The following GOLGA8J variants were observed in gnomAD, a reference collection of about 807,000 sequenced individuals.
The protein encoded by GOLGA8J is golgin subfamily A member 8J.
In GOLGA8J, 19 loss-of-function variants were observed where a neutral mutation model predicts 67.7. That is an observed-to-expected ratio of 0.28 (90% CI 0.20 to 0.41). GOLGA8J has a LOEUF of 0.41. Ranked by LOEUF, GOLGA8J falls within the 10% of genes least tolerant of loss-of-function variation. The pLI is 1.00. For missense variants in GOLGA8J, 205 were observed against 584.3 expected, an observed-to-expected ratio of 0.35 and a Z score of 6.69; for synonymous variants, 69 against 215.9, an observed-to-expected ratio of 0.32 and a Z score of 5.97.
chr15:30,092,505 C>G, intron 15 of GOLGA8J: 1 of 974,128 alleles, frequency 1.0e-6, no homozygotes, highest in Non-Finnish European at 1.2e-6. Context: ...TGGCCTCGGC[C>G]CAGAAGGAGC....
rs1293015879 is a variant in GOLGA8J, at chr15:30,094,527, G to A, written c.*1028G>A. The stretch of plus-strand genomic sequence containing the variant: ...GTGAAGATCATAAGAAATCCTTTAT[G>A]AGTTCAAACGTTCCTGGAACAGGCA... On this transcript the variant is annotated 3_prime_UTR_variant, in exon 19 of 19. Coordinates refer to ENST00000567927, the MANE Select transcript of GOLGA8J (RefSeq NM_001282472.2). Among the ~76,000 whole-genome samples, 2 of 126,958 alleles carry A rather than the reference G, an allele frequency of 1.6e-5. 1 individual carries two copies. Among genetic ancestry groups the A allele is most frequent in the African/African-American group, 9.6e-5 (2 of 20,914 alleles). The allele number at this position is 126,958 out of a possible 152,430, so 83.3% of individuals were successfully genotyped here.
At position 30,091,960 on chromosome 15, in the gene GOLGA8J, A is replaced by C. The variant is rs2057409329; in HGVS notation, c.1277-82A>C. On this transcript the variant is annotated intron_variant, in intron 14 of 18. Coordinates refer to ENST00000567927, the MANE Select transcript of GOLGA8J (RefSeq NM_001282472.2). ...TGGGGAGGGGCAGGCTCAGGGTTAC[A>C]CAGTGAGGGTGGAGGTAGAGGTGGG... The C allele has an allele frequency of 2.7e-6, 4 of 1,456,366 alleles. No individual in the cohort carries two copies. The African/African-American group carries it at 5.6e-5, about 20-fold the overall frequency. 90.2% of individuals were successfully genotyped at this position (1,456,366 alleles called of 1,614,324 possible).
chr15:30,088,461 C>A (rs1288507701), intron 8 of GOLGA8J: 1 of 545,550 alleles, frequency 1.8e-6, no homozygotes, highest in African/African-American at 2.1e-5. Context: ...CCTGGTGAAG[C>A]ATTCCACAAA....
In GOLGA8J at chr15:30,092,070, G is replaced by C. The variant is rs560259389; in HGVS notation, c.1305G>C (p.Glu435Asp). 3,670 of 1,595,436 alleles carry C rather than the reference G, an allele frequency of 2.3e-3. 80 individuals are homozygous for C. Among genetic ancestry groups the C allele is most frequent in the Non-Finnish European group, 2.7e-3 (3,139 of 1,173,286 alleles). ...EGHGGEHLDS[E>D]GEEAPRPMPS... ...ACGGAGGAGAACATCTGGACAGTGAGGGGGAGGAGGCACCTCGGCCCATGC... is the reference window on the plus strand; with the variant it reads ...ACGGAGGAGAACATCTGGACAGTGACGGGGAGGAGGCACCTCGGCCCATGC... Residue 435 changes from glutamate (E) to aspartate (D), a missense_variant, in exon 15 of 19, where the codon GAG becomes GAC. Transcript: ENST00000567927.
intron 12 of GOLGA8J, 74 bp downstream of exon 12, chr15:30,090,030 G>C: frequency 7.1e-7 from 1 of 1,414,660 alleles, no homozygotes; most frequent in Non-Finnish European, 9.3e-7. Context: ...CTCTAAAATG[G>C]GGCAGTGTAG....
rs1303844742 is a variant in GOLGA8J at position 30,089,921 on chromosome 15, C to T, written c.1096C>T (p.Gln366Ter). 1.3e-6 allele frequency: 2 copies of T among 1,510,168 alleles called. No individual in the cohort carries two copies. The highest frequency in any genetic ancestry group is 1.6e-5 in the African/African-American group (1 of 61,906). 93.5% of individuals were successfully genotyped at this position (1,510,168 alleles called of 1,614,324 possible). A position where few individuals can be genotyped will look rare whatever the true frequency, so the allele number is the denominator to read the frequency against. ...RIQEQHKSLQ[Q>*]LAKPQSVFKE... Reference sequence around the variant, plus strand: ...TCAGGAGCAGCACAAGAGCCTTCAGCAGCTGGCCAAGCCACAGAGCGTCTT... The same window carrying T: ...TCAGGAGCAGCACAAGAGCCTTCAGTAGCTGGCCAAGCCACAGAGCGTCTT... The change falls in exon 12 of 19, where the codon CAG becomes TAG. Residue 366 changes from glutamine to a stop codon, truncating the protein, a stop_gained. Coordinates refer to ENST00000567927, the MANE Select transcript of GOLGA8J (RefSeq NM_001282472.2). LOFTEE classifies it high-confidence loss of function.
chr15:30,085,386 T>C (rs1457211200), intron 2 of GOLGA8J, among the ~76,000 whole-genome samples: 1 of 60,070 alleles, frequency 1.7e-5, no homozygotes, highest in East Asian at 3.7e-4. Flanking sequence ...GCCTCTCTTT[T>C]CACATCTGTA....
intron 11 of GOLGA8J, 54 bp from the exon 12 acceptor site, chr15:30,089,646 G>A: frequency 7.5e-7 from 1 of 1,332,742 alleles, no homozygotes; most frequent in Admixed American, 1.8e-5. Context: ...GCCAAGAGGA[G>A]GGTTTTTCTT....
At position 30,095,084 on chromosome 15, in the gene GOLGA8J, T is replaced by C. The variant is rs1384289833; in HGVS notation, c.*1585T>C. 6.8e-6 allele frequency among the ~76,000 whole-genome samples: 1 copy of C among 147,682 alleles called. No individual in the cohort carries two copies. Among genetic ancestry groups the C allele is most frequent in the African/African-American group, 2.6e-5 (1 of 38,328 alleles). On this transcript the variant is annotated 3_prime_UTR_variant, in exon 19 of 19. Coordinates refer to ENST00000567927, the MANE Select transcript of GOLGA8J (RefSeq NM_001282472.2). ...ATGATGAATGAATACATTTCAGTTA[T>C]ATATTGCCTAAATCATAACTTGATG...
rs558755089 is a variant in GOLGA8J at position 30,095,085 on chromosome 15, A to G, written c.*1586A>G. Among the ~76,000 whole-genome samples the G allele has an allele frequency of 1.4e-5, 2 of 147,580 alleles. No individual in the cohort carries two copies. The highest frequency in any genetic ancestry group is 3.0e-5 in the Non-Finnish European group (2 of 67,684). Reference sequence around the variant, plus strand: ...TGATGAATGAATACATTTCAGTTATATATTGCCTAAATCATAACTTGATGA... The same window carrying G: ...TGATGAATGAATACATTTCAGTTATGTATTGCCTAAATCATAACTTGATGA... On this transcript the variant is annotated 3_prime_UTR_variant, in exon 19 of 19. Transcript: ENST00000567927.
rs199855774 is a variant in GOLGA8J at position 30,094,046 on chromosome 15, A to C, written c.*547A>C. Among the ~76,000 whole-genome samples the C allele has an allele frequency of 0.073, 10,725 of 146,388 alleles. 1,014 individuals are homozygous for C. The highest frequency in any genetic ancestry group is 0.15 in the South Asian group (686 of 4,642). On this transcript the variant is annotated 3_prime_UTR_variant, in exon 19 of 19. Coordinates refer to ENST00000567927, the MANE Select transcript of GOLGA8J (RefSeq NM_001282472.2). ...AGTACTGACATTTAGAGTTGTTTAAAGGCCAAGAACTGGAAACAGCCTTTC... is the reference window on the plus strand; with the variant it reads ...AGTACTGACATTTAGAGTTGTTTAACGGCCAAGAACTGGAAACAGCCTTTC...
rs775607447 is a variant in GOLGA8J, at chr15:30,092,066, G to A, written c.1301G>A (p.Ser434Asn). The A allele has an allele frequency of 1.9e-5, 30 of 1,597,964 alleles. 1 individual carries two copies. In the South Asian group the frequency reaches 3.1e-4, roughly 17 times the overall value. ...GEGHGGEHLD[S>N]EGEEAPRPMP... ...GGACACGGAGGAGAACATCTGGACA[G>A]TGAGGGGGAGGAGGCACCTCGGCCC... Residue 434 changes from serine to asparagine, a missense_variant, in exon 15 of 19, where the codon AGT becomes AAT. Coordinates refer to ENST00000567927, the MANE Select transcript of GOLGA8J (RefSeq NM_001282472.2).
At chr15:30,088,625 C>T (rs74342032) in intron 8 of GOLGA8J, 115 bp from the exon 9 acceptor site, 51,974 of 872,392 alleles carry the variant, frequency 0.06, 3,365 homozygotes, top group African/African-American at 0.25. Flanking sequence ...CTTGGAAATG[C>T]CTTGATCTTT....
chr15:30,089,813 C>T lies in GOLGA8J; in HGVS notation c.988C>T (p.Gln330Ter). Residue 330 changes from glutamine (Q) to a stop codon, truncating the protein, a stop_gained, in exon 12 of 19, where the codon CAG becomes TAG. Transcript: ENST00000567927. LOFTEE classifies it high-confidence loss of function. ...GELQAQVKNN[Q>*]RISLLNQRQE... is the part of the protein sequence containing the mutation. ...GCTCCAGGCCCAGGTCAAAAACAATCAGCGCATAAGTCTCCTGAACCAGCG... is the reference window on the plus strand; with the variant it reads ...GCTCCAGGCCCAGGTCAAAAACAATTAGCGCATAAGTCTCCTGAACCAGCG... 2 of 1,559,830 alleles carry T rather than the reference C, an allele frequency of 1.3e-6. No homozygotes were observed. Among genetic ancestry groups the T allele is most frequent in the Non-Finnish European group, 1.7e-6 (2 of 1,161,578 alleles).
chr15:30,094,344 C>G lies in GOLGA8J; in HGVS notation c.*845C>G, dbSNP rs2057447415. ...CTTATTTCTGAGGAATGAAAGGTTCCCATCATTGACTGTGGATGTGGGAAA... is the reference window on the plus strand; with the variant it reads ...CTTATTTCTGAGGAATGAAAGGTTCGCATCATTGACTGTGGATGTGGGAAA... On this transcript the variant is annotated 3_prime_UTR_variant, in exon 19 of 19. Coordinates refer to ENST00000567927, the MANE Select transcript of GOLGA8J (RefSeq NM_001282472.2). Among the ~76,000 whole-genome samples the G allele has an allele frequency of 6.8e-6, 1 of 147,930 alleles. No homozygotes were observed. Among genetic ancestry groups the G allele is most frequent in the Non-Finnish European group, 1.5e-5 (1 of 67,648 alleles).
chr15:30,089,977 A>G, intron 12 of GOLGA8J, 21 bp downstream of exon 12: 1 of 1,511,066 alleles, frequency 6.6e-7, no homozygotes. Flanking sequence ...CAAACTGGGG[A>G]GCTTGCCCTC....
Position 30,092,114 on chromosome 15 carries a change from C to G in GOLGA8J, c.1349C>G (p.Pro450Arg), listed in dbSNP as rs78489063. 2.0e-6 allele frequency: 3 copies of G among 1,523,158 alleles called. No homozygotes were observed. In the African/African-American group the frequency reaches 4.6e-5, roughly 24 times the overall value. 94.4% of individuals were successfully genotyped at this position (1,523,158 alleles called of 1,614,324 possible). Residue 450 changes from proline to arginine, a missense_variant, in exon 15 of 19, where the codon CCG (proline) becomes CGG (arginine). Pro to Arg is a moderately radical substitution (Grantham distance 103). Transcript: ENST00000567927. ...CCCATGCCGAGTGTCCCAGAGGACC[C>G]GGAGAGCAGGGAGGCCATGGTGAGC... ...PRPMPSVPED[P>R]ESREAMSSFM...
At position 30,092,112 on chromosome 15, in the gene GOLGA8J, C is replaced by A. The variant is rs1437268879; in HGVS notation, c.1347C>A (p.Asp449Glu). 3 of 1,567,014 alleles carry A rather than the reference C, an allele frequency of 1.9e-6. No individual in the cohort carries two copies. The highest frequency in any genetic ancestry group is 1.2e-5 in the South Asian group (1 of 86,772). ...GGCCCATGCCGAGTGTCCCAGAGGA[C>A]CCGGAGAGCAGGGAGGCCATGGTGA... Reference protein sequence around the residue: ...APRPMPSVPEDPESREAMSSF... With the variant: ...APRPMPSVPEEPESREAMSSF... Residue 449 changes from aspartate to glutamate, a missense_variant, in exon 15 of 19, where the codon GAC becomes GAA. Physicochemically the swap from Asp to Glu is conservative, Grantham distance 45. Transcript: ENST00000567927.
Position 30,092,784 on chromosome 15 carries a change from A to C in GOLGA8J, c.1445A>C (p.His482Pro). 6.4e-7 allele frequency: 1 copy of C among 1,560,698 alleles called. No individual in the cohort carries two copies. Among genetic ancestry groups the C allele is most frequent in the East Asian group, 2.3e-5 (1 of 42,612 alleles). ...AAGAAAAAAGAACTCTGCTTCATCC[A>C]CCACTGGCGAGAGAGATGCCATCAG... ...LVKKKELCFI[H>P]HWRERCHQKT... The change falls in exon 16 of 19, where the codon CAC becomes CCC. Residue 482 changes from histidine (H) to proline (P), a missense_variant. His to Pro is a moderately conservative substitution (Grantham distance 77, BLOSUM62 -2). Coordinates refer to ENST00000567927, the MANE Select transcript of GOLGA8J (RefSeq NM_001282472.2).
Sources: allele counts gnomAD v4.1 joint callset (sites outside exome capture counted in the v4.1 genomes callset), GRCh38; gene constraint gnomAD v4.1.1; transcripts MANE v1.5; gene names NCBI Gene and HGNC (gene_info 2026-07-23, HGNC 2026-07-21).